The following GRAMD2A variants were observed in gnomAD, a reference collection of about 807,000 sequenced individuals.
GRAMD2A encodes GRAM domain-containing protein 2A.
A neutral mutation model predicts 51.1 loss-of-function variants in GRAMD2A; 37 were observed. The ratio of observed to expected loss-of-function variants is 0.72; its 90% confidence interval spans 0.56 to 0.95. The LOEUF (loss-of-function observed/expected upper bound fraction) is 0.95. Ranked by LOEUF, GRAMD2A falls within the 40% of genes least tolerant of loss-of-function variation. The pLI is 0.00. For missense variants in GRAMD2A, 414 were observed against 426.9 expected, an observed-to-expected ratio of 0.97 and a Z score of 0.27; for synonymous variants, 136 against 157.1, an observed-to-expected ratio of 0.87 and a Z score of 1.01.
In GRAMD2A at chr15:72,167,103, G is replaced by T; in HGVS notation, c.373-11C>A. Reference sequence around the variant, plus strand: ...CACAGGAATGACCACCTGAGAGGGAGAGGGATGCTTCTCTCAGGACTAACC... The same window carrying T: ...CACAGGAATGACCACCTGAGAGGGATAGGGATGCTTCTCTCAGGACTAACC... On this transcript the variant is annotated splice_polypyrimidine_tract_variant and intron_variant, in intron 5 of 11. Coordinates refer to ENST00000309731, the MANE Select transcript of GRAMD2A (RefSeq NM_001012642.3). The T allele has an allele frequency of 6.3e-7, 1 of 1,586,794 alleles. No individual in the cohort carries two copies. Among genetic ancestry groups the T allele is most frequent in the Non-Finnish European group, 8.7e-7 (1 of 1,154,860 alleles).
At chr15:72,197,330 A>G (rs984066215) in intron 1 of GRAMD2A, among the ~76,000 whole-genome samples, 1 of 152,206 alleles carries the variant, frequency 6.6e-6, no homozygotes, top group Admixed American at 6.5e-5. Flanking sequence ...GTCGGGGGCA[A>G]TTAGGACTGG....
intron 2 of GRAMD2A, chr15:72,169,420 G>A (rs972334382): frequency 9.4e-5 from 47 of 501,320 alleles, no homozygotes; most frequent in African/African-American, 7.3e-4. Context: ...GACTCACAGC[G>A]CCGGGGCCTG....
chr15:72,169,609 G>A (rs1439372314), intron 2 of GRAMD2A: 2 of 686,056 alleles, frequency 2.9e-6, no homozygotes, highest in Admixed American at 4.0e-5. Flanking sequence ...TTGGCCCAGA[G>A]CACAGGTGAG....
intron 1 of GRAMD2A, among the ~76,000 whole-genome samples, chr15:72,184,361 G>A (rs2081720011): frequency 6.6e-6 from 1 of 152,264 alleles, no homozygotes; most frequent in South Asian, 2.1e-4. Context: ...CACTGATCCC[G>A]CCCGGCTGGC....
intron 1 of GRAMD2A, among the ~76,000 whole-genome samples, chr15:72,185,382 C>G (rs1243626363): frequency 6.6e-6 from 1 of 152,042 alleles, no homozygotes; most frequent in Non-Finnish European, 1.5e-5. Flanking sequence ...TTAATAGAGA[C>G]AGGATTTCAC....
rs1156596210 is a variant in GRAMD2A at position 72,166,629 on chromosome 15, T to C, written c.543+3A>G. Reference sequence around the variant, plus strand: ...CTGGCCTTCCTGCTCCCAAGCTCCATACCTGTAGGTGGGTGCAGACTCTCC... The same window carrying C: ...CTGGCCTTCCTGCTCCCAAGCTCCACACCTGTAGGTGGGTGCAGACTCTCC... On this transcript the variant is annotated splice_donor_region_variant and intron_variant, in intron 7 of 11. Transcript: ENST00000309731. This position sits in a 1 kb window ranked among gnomAD's most constrained non-coding sequence, Gnocchi z 4.1. 6.2e-7 allele frequency: 1 copy of C among 1,612,006 alleles called. No homozygotes were observed. The highest frequency in any genetic ancestry group is 1.3e-5 in the African/African-American group (1 of 74,892).
chr15:72,168,610 A>C (rs1596682354), intron 3 of GRAMD2A, 44 bp from the exon 4 acceptor site: 1 of 1,530,934 alleles, frequency 6.5e-7, no homozygotes, highest in Admixed American at 1.7e-5. Context: ...GGGAGATGAG[A>C]CCGCCAAAGG....
intron 1 of GRAMD2A, among the ~76,000 whole-genome samples, chr15:72,192,951 C>T (rs2081778504): frequency 6.6e-6 from 1 of 151,954 alleles, no homozygotes; most frequent in Admixed American, 6.6e-5. Context: ...ATGCAGAAAC[C>T]CCATCTCTAC....
intron 1 of GRAMD2A, among the ~76,000 whole-genome samples, chr15:72,172,752 G>A (rs1213987908): frequency 3.9e-5 from 6 of 151,998 alleles, no homozygotes; most frequent in East Asian, 3.9e-4. Flanking sequence ...TATTGAGAAC[G>A]TTAATCCTTA....
At chr15:72,187,876 T>A (rs2081744574) in intron 1 of GRAMD2A, among the ~76,000 whole-genome samples, 1 of 152,184 alleles carries the variant, frequency 6.6e-6, no homozygotes, top group African/African-American at 2.4e-5. Flanking sequence ...GTTAATACTA[T>A]CTAATGTTGA....
rs138790326 is a variant in GRAMD2A, at chr15:72,163,492, GA to G, written c.746-17del. The stretch of plus-strand genomic sequence containing the variant: ...CTTGACTTTTCTTTATGGATTGGGA[GA>G]AAAAAAAAATCAGCTCTCAGAAGCC... On this transcript the variant is annotated splice_polypyrimidine_tract_variant and intron_variant, in intron 9 of 11. Coordinates refer to ENST00000309731, the MANE Select transcript of GRAMD2A (RefSeq NM_001012642.3). 13,274 of 1,537,452 alleles carry G rather than the reference GA, an allele frequency of 8.6e-3. 864 individuals carry two copies. In the East Asian group the frequency reaches 0.17, roughly 20 times the overall value.
In GRAMD2A at chr15:72,169,946, A is replaced by G. The variant is rs2081592485; in HGVS notation, c.42-7T>C. On this transcript the variant is annotated splice_region_variant and splice_polypyrimidine_tract_variant and intron_variant, in intron 1 of 11. Coordinates refer to ENST00000309731, the MANE Select transcript of GRAMD2A (RefSeq NM_001012642.3). Reference sequence around the variant, plus strand: ...TCTGTGCATTTGTTGGTTGCTAGGGAAAAACAGGCCCATATCAGGAAGGGG... The same window carrying G: ...TCTGTGCATTTGTTGGTTGCTAGGGGAAAACAGGCCCATATCAGGAAGGGG... The G allele has an allele frequency of 6.2e-7, 1 of 1,608,506 alleles. No individual in the cohort carries two copies. The highest frequency in any genetic ancestry group is 1.1e-5 in the South Asian group (1 of 91,000).
chr15:72,163,198 C>T (rs2081498975), intron 10 of GRAMD2A, 68 bp downstream of exon 10: 1 of 1,090,256 alleles, frequency 9.2e-7, no homozygotes, highest in South Asian at 1.3e-5. Context: ...CCCCACACTC[C>T]AAGGCCCTTG....
intron 1 of GRAMD2A, among the ~76,000 whole-genome samples, chr15:72,186,995 C>CAA (rs756016370): frequency 2.7e-4 from 30 of 109,180 alleles, no homozygotes; most frequent in South Asian, 1.2e-3. Context: ...AATAAAAATA[C>CAA]AAAAAAAAAA....
chr15:72,197,655 C>A, intron 1 of GRAMD2A, 76 bp downstream of exon 1: 1 of 1,180,082 alleles, frequency 8.5e-7, no homozygotes, highest in South Asian at 2.8e-5. Context: ...AGGAGCCGTC[C>A]TGCCCCGCGC....
At chr15:72,172,694 G>A (rs2081622638) in intron 1 of GRAMD2A, among the ~76,000 whole-genome samples, 2 of 152,048 alleles carry the variant, frequency 1.3e-5, no homozygotes, top group Admixed American at 1.3e-4. Flanking sequence ...CCTCTCCAAA[G>A]TGCTGGGATT....
chr15:72,162,192 G>A lies in GRAMD2A; in HGVS notation c.1061+81C>T, dbSNP rs1596672496. On this transcript the variant is annotated intron_variant, in intron 11 of 11. Coordinates refer to ENST00000309731, the MANE Select transcript of GRAMD2A (RefSeq NM_001012642.3). Reference sequence around the variant, plus strand: ...CCAGCTCAAAACAGGACCAAGTCCAGCCAGGCAGCCTGGCCTGAGGTTCTT... The same window carrying A: ...CCAGCTCAAAACAGGACCAAGTCCAACCAGGCAGCCTGGCCTGAGGTTCTT... 1.5e-5 allele frequency: 20 copies of A among 1,374,696 alleles called. No individual in the cohort carries two copies. The South Asian group carries it at 2.3e-4, about 15-fold the overall frequency. The allele number at this position is 1,374,696 out of a possible 1,614,324, so 85.2% of individuals were successfully genotyped here.
At position 72,163,197 on chromosome 15, in the gene GRAMD2A, C is replaced by G. The variant is rs537071620; in HGVS notation, c.956+69G>C. 1.3e-3 allele frequency: 1,405 copies of G among 1,080,546 alleles called. 2 individuals are homozygous for G. Among genetic ancestry groups the G allele is most frequent in the Non-Finnish European group, 1.7e-3 (1,227 of 707,088 alleles). The allele number at this position is 1,080,546 out of a possible 1,614,324, so 66.9% of individuals were successfully genotyped here. ...TTCTGAATAGTGAATTCCCCACACT[C>G]CAAGGCCCTTGTTCCAAGCACCTAG... is the stretch of plus-strand genomic sequence containing the variant. On this transcript the variant is annotated intron_variant, in intron 10 of 11. Transcript: ENST00000309731.
intron 1 of GRAMD2A, among the ~76,000 whole-genome samples, chr15:72,188,972 C>T (rs1400673238): frequency 6.6e-6 from 1 of 152,180 alleles, no homozygotes; most frequent in East Asian, 1.9e-4. Flanking sequence ...TGTGGGCCAC[C>T]ATGCCCAGCC....
Sources: gnomAD v4.1 joint callset for allele counts (sites outside exome capture counted in the v4.1 genomes callset) on GRCh38, gnomAD v4.1.1 for gene constraint, Gnocchi (gnomAD v3.1) non-coding constraint, MANE v1.5 for transcripts, NCBI Gene and HGNC (gene_info 2026-07-23, HGNC 2026-07-21) for gene names.